Variants in PRORP observed in about 807,000 individuals in gnomAD.
PRORP encodes protein only RNase P catalytic subunit, also known as mitochondrial ribonuclease P catalytic subunit.
PRORP carries 51 observed loss-of-function variants against 59.4 expected under a neutral mutation model. The observed-to-expected ratio is 0.86, with a 90% CI of 0.69 to 1.08. The LOEUF (loss-of-function observed/expected upper bound fraction) is 1.08, where lower values mean the gene tolerates loss of function less well. PRORP is among the 50% of genes least tolerant of loss of function. The pLI is 0.00. For synonymous variants in PRORP, 231 were observed against 245.6 expected, an observed-to-expected ratio of 0.94 and a Z score of 0.55; for missense variants, 646 against 690.3, an observed-to-expected ratio of 0.94 and a Z score of 0.72.
intron 5 of PRORP, among the ~76,000 whole-genome samples, chr14:35,206,091 A>G (rs959494326): frequency 3.3e-5 from 5 of 152,326 alleles, no homozygotes; most frequent in Admixed American, 2.0e-4. Flanking sequence ...ATGTTGAATG[A>G]ATATTTGACT....
intron 5 of PRORP, among the ~76,000 whole-genome samples, chr14:35,189,622 A>G (rs2048832393): frequency 1.3e-5 from 2 of 152,290 alleles, no homozygotes; most frequent in Non-Finnish European, 2.9e-5. Flanking sequence ...CCATAGATCA[A>G]TAACAGGAAT....
At chr14:35,206,434 A>G (rs543186709) in intron 5 of PRORP, among the ~76,000 whole-genome samples, 1 of 152,314 alleles carries the variant, frequency 6.6e-6, no homozygotes, top group South Asian at 2.1e-4. Flanking sequence ...AATTATCAGT[A>G]GTAGTTCACT....
chr14:35,160,200 T>C (rs1479063289), intron 4 of PRORP, among the ~76,000 whole-genome samples: 1 of 152,218 alleles, frequency 6.6e-6, no homozygotes, highest in East Asian at 1.9e-4. Flanking sequence ...AGCTGATGAA[T>C]GTTCCTGGGA....
At chr14:35,188,869 G>A (rs144644872) in intron 5 of PRORP, among the ~76,000 whole-genome samples, 130 of 150,544 alleles carry the variant, frequency 8.6e-4, no homozygotes, top group African/African-American at 1.6e-3. Flanking sequence ...CCAGCTACTC[G>A]GGAGGCGGAG....
intron 4 of PRORP, among the ~76,000 whole-genome samples, chr14:35,152,007 AT>A (rs1472719573): frequency 6.7e-6 from 1 of 149,136 alleles, no homozygotes; most frequent in Non-Finnish European, 1.5e-5. Flanking sequence ...TCATAGGACA[AT>A]AGTGGAGGGA....
rs959517092 is a variant in PRORP at position 35,145,063 on chromosome 14, C to T, written c.1167+17452C>T. 4.1e-5 allele frequency among the ~76,000 whole-genome samples: 6 copies of T among 145,180 alleles called. 1 individual carries two copies. The highest frequency in any genetic ancestry group is 9.2e-5 in the Non-Finnish European group (6 of 65,424). On this transcript the variant is annotated intron_variant, in intron 4 of 7. Coordinates refer to ENST00000534898, the MANE Select transcript of PRORP (RefSeq NM_014672.4). ...ATAGCTCATTGCAGCCTCAACCTCC[C>T]AGGCTCAAGTGATCCTCTCACCTTA...
chr14:35,225,032 C>T (rs191393464), intron 5 of PRORP, among the ~76,000 whole-genome samples: 26 of 152,324 alleles, frequency 1.7e-4, no homozygotes, highest in Non-Finnish European at 3.8e-4. Context: ...TCCATGTTCA[C>T]ATCCAATCTT....
intron 5 of PRORP, among the ~76,000 whole-genome samples, chr14:35,265,255 C>T (rs778671699): frequency 1.3e-5 from 2 of 152,132 alleles, no homozygotes; most frequent in Non-Finnish European, 2.9e-5. Context: ...AGGATTTCTG[C>T]AAGACCTTTC....
chr14:35,260,962 G>T (rs1448884944), intron 5 of PRORP, among the ~76,000 whole-genome samples: 1 of 152,168 alleles, frequency 6.6e-6, no homozygotes, highest in African/African-American at 2.4e-5. Flanking sequence ...AGGATTACAG[G>T]TATGAACTAC....
chr14:35,129,820 T>A (rs2047192686), intron 4 of PRORP, among the ~76,000 whole-genome samples: 1 of 152,126 alleles, frequency 6.6e-6, no homozygotes, highest in Non-Finnish European at 1.5e-5. Flanking sequence ...GGCTCACTAA[T>A]ACTTAACTAT....
At chr14:35,125,760 G>T (rs2047080156) in intron 2 of PRORP, among the ~76,000 whole-genome samples, 1 of 152,166 alleles carries the variant, frequency 6.6e-6, no homozygotes, top group Non-Finnish European at 1.5e-5. Context: ...TGTGGCTCAC[G>T]CCTGTAATCT....
Position 35,246,292 on chromosome 14 carries a change from T to C in PRORP, c.1276-20435T>C, listed in dbSNP as rs565794422. ...TTATTTTGTTGATGATTCCTTCCTC[T>C]GTGTTTTCTGGTTCTCTCTCTCTAA... On this transcript the variant is annotated intron_variant, in intron 5 of 7. Coordinates refer to ENST00000534898, the MANE Select transcript of PRORP (RefSeq NM_014672.4). Among the ~76,000 whole-genome samples the C allele has an allele frequency of 1.9e-4, 29 of 152,344 alleles. No homozygotes were observed. In the South Asian group the frequency reaches 5.8e-3, roughly 30 times the overall value.
chr14:35,123,243 A>G lies in PRORP; in HGVS notation c.-3A>G. ...CACTATCTGGTGCTGATCTCACTGCATAATGACTTTCTATTTGTTTGGTAT... is the reference window on the plus strand; with the variant it reads ...CACTATCTGGTGCTGATCTCACTGCGTAATGACTTTCTATTTGTTTGGTAT... On this transcript the variant is annotated 5_prime_UTR_variant, in exon 2 of 8. Transcript: ENST00000534898. 1.9e-6 allele frequency: 3 copies of G among 1,605,518 alleles called. No homozygotes were observed. Among genetic ancestry groups the G allele is most frequent in the Non-Finnish European group, 8.5e-7 (1 of 1,177,278 alleles).
intron 5 of PRORP, among the ~76,000 whole-genome samples, chr14:35,240,978 A>G (rs1056227572): frequency 6.6e-6 from 1 of 152,172 alleles, no homozygotes; most frequent in African/African-American, 2.4e-5. Flanking sequence ...ACATGTACAG[A>G]CTTTTTTTCT....
intron 5 of PRORP, among the ~76,000 whole-genome samples, chr14:35,230,298 C>T (rs1595350620): frequency 6.6e-6 from 1 of 152,252 alleles, no homozygotes; most frequent in Non-Finnish European, 1.5e-5. Flanking sequence ...GCAATCCACC[C>T]GCCTTGGCCT....
intron 5 of PRORP, among the ~76,000 whole-genome samples, chr14:35,234,261 T>C (rs1443830913): frequency 6.6e-6 from 1 of 152,334 alleles, no homozygotes; most frequent in Non-Finnish European, 1.5e-5. Flanking sequence ...CCACAGATTC[T>C]GTAGCCGTGT....
In PRORP at chr14:35,274,486, A is replaced by G. The variant is rs1429295133; in HGVS notation, c.*920A>G. 1 of 152,132 alleles carries G rather than the reference A, an allele frequency of 6.6e-6. No homozygotes were observed. Among genetic ancestry groups the G allele is most frequent in the Non-Finnish European group, 1.5e-5 (1 of 68,046 alleles). 9.4% of individuals were successfully genotyped at this position (152,132 alleles called of 1,614,324 possible). ...AACATAGTAAGATCTCATTTCTACA[A>G]AAAATTTAAAAATTAGCCAGGCATG... On this transcript the variant is annotated 3_prime_UTR_variant, in exon 8 of 8. Coordinates refer to ENST00000534898, the MANE Select transcript of PRORP (RefSeq NM_014672.4).
intron 5 of PRORP, among the ~76,000 whole-genome samples, chr14:35,227,443 CA>C (rs540951640): frequency 3.6e-4 from 49 of 137,962 alleles, no homozygotes; most frequent in South Asian, 6.8e-4. Context: ...GACTCTGTCT[CA>C]AAAAAAAAAA....
chr14:35,249,073 C>T (rs553230481), intron 5 of PRORP, among the ~76,000 whole-genome samples: 1 of 152,072 alleles, frequency 6.6e-6, no homozygotes, highest in Admixed American at 6.5e-5. Context: ...AGTGGTCTTG[C>T]GTTCTCTCAG....
Sources: allele counts gnomAD v4.1 joint callset (sites outside exome capture counted in the v4.1 genomes callset), GRCh38; gene constraint gnomAD v4.1.1; transcripts MANE v1.5; gene names NCBI Gene and HGNC (gene_info 2026-07-23, HGNC 2026-07-21).